The following SLC37A1 variants were observed in gnomAD, a reference collection of about 807,000 sequenced individuals.
The protein encoded by SLC37A1 is solute carrier family 37 member 1, also known as glucose-6-phosphate exchanger SLC37A1.
In SLC37A1, 49 loss-of-function variants were observed where a neutral mutation model predicts 75.3. The ratio of observed to expected loss-of-function variants is 0.65; its 90% CI spans 0.52 to 0.83. SLC37A1 has a LOEUF of 0.83. Among genes scored for constraint, SLC37A1 ranks in the 40% least tolerant of loss-of-function variants. The probability of loss-of-function intolerance (pLI) is 0.00; values close to 1 mark genes in which losing one functional copy is unlikely to be tolerated. For synonymous variants in SLC37A1, 268 were observed against 292.1 expected, an observed-to-expected ratio of 0.92 and a Z score of 0.84; for missense variants, 566 against 695.0, an observed-to-expected ratio of 0.81 and a Z score of 2.09.
chr21:42,501,220 AT>A (rs2054338125), intron 1 of SLC37A1, among the ~76,000 whole-genome samples: 1 of 152,244 alleles, frequency 6.6e-6, no homozygotes, highest in South Asian at 2.1e-4. Flanking sequence ...AAAGAGAAAA[AT>A]TGACGTGAAA....
upstream of SLC37A1, among the ~76,000 whole-genome samples, chr21:42,512,208 G>A (rs906341714): frequency 1.8e-5 from 2 of 112,972 alleles, no homozygotes; most frequent in East Asian, 3.1e-4. Context: ...TCAGTTATAC[G>A]TCAGTACAAC....
At chr21:42,562,023 C>T in intron 11 of SLC37A1, 55 bp from the exon 12 acceptor site, 2 of 1,418,708 alleles carry the variant, frequency 1.4e-6, no homozygotes, top group Non-Finnish European at 1.0e-6. Flanking sequence ...TGCATGTTTA[C>T]ACACACCTGC....
intron 10 of SLC37A1, among the ~76,000 whole-genome samples, chr21:42,556,191 C>T (rs1375359518): frequency 6.6e-6 from 1 of 152,218 alleles, no homozygotes; most frequent in African/African-American, 2.4e-5. Context: ...CCGCAGGTCC[C>T]CGCGGGCGTT....
upstream of SLC37A1, among the ~76,000 whole-genome samples, chr21:42,513,086 C>T (rs1034618317): frequency 6.6e-6 from 1 of 152,236 alleles, no homozygotes; most frequent in Admixed American, 6.5e-5. Context: ...TGCTCTTCCC[C>T]GAGGAGTGGG....
intron 6 of SLC37A1, 57 bp downstream of exon 6, chr21:42,539,704 G>A (rs1324807542): frequency 3.8e-5 from 59 of 1,544,820 alleles, no homozygotes; most frequent in Non-Finnish European, 5.2e-5. Flanking sequence ...GAATAGGGTG[G>A]AGTGTTTATG....
chr21:42,542,596 G>A, intron 7 of SLC37A1, 116 bp downstream of exon 7: 1 of 988,910 alleles, frequency 1.0e-6, no homozygotes, highest in Non-Finnish European at 1.5e-6. Flanking sequence ...AAAATAAGAT[G>A]GCTGAAACCT....
intron 9 of SLC37A1, among the ~76,000 whole-genome samples, chr21:42,551,823 GTTTT>G (rs1476831530): frequency 5.2e-4 from 74 of 142,754 alleles, no homozygotes; most frequent in African/African-American, 1.9e-3. Context: ...GTTTTGTTTT[GTTTT>G]GTTTTGTTTT....
intron 18 of SLC37A1, among the ~76,000 whole-genome samples, chr21:42,579,288 G>A: frequency 6.6e-6 from 1 of 152,220 alleles, no homozygotes; most frequent in African/African-American, 2.4e-5. Context: ...GGCGCCAGAG[G>A]AAGTGCTCAC....
upstream of SLC37A1, among the ~76,000 whole-genome samples, chr21:42,510,411 C>A (rs995179695): frequency 6.6e-6 from 1 of 152,126 alleles, no homozygotes; most frequent in African/African-American, 2.4e-5. Context: ...GGAATCAAAG[C>A]ATACCATTAC....
rs533879509 is a variant in SLC37A1, at chr21:42,552,522, A to G, written c.769-1540A>G. Among the ~76,000 whole-genome samples the G allele has an allele frequency of 6.6e-6, 1 of 152,334 alleles. No individual in the cohort carries two copies. Among genetic ancestry groups the G allele is most frequent in the South Asian group, 2.1e-4 (1 of 4,828 alleles). On this transcript the variant is annotated intron_variant, in intron 9 of 19. Transcript: ENST00000352133. The surrounding 1 kb of genome is among the most constrained non-coding windows in gnomAD (Gnocchi z 4.2). The stretch of plus-strand genomic sequence containing the variant: ...TGCCAAAGGTGATATATTCCAACCA[A>G]TTAGAACAGTGCCAGGCACAGAGTT...
At chr21:42,554,221 C>G (rs1393772353) in intron 10 of SLC37A1, 79 bp downstream of exon 10, 1 of 1,245,250 alleles carries the variant, frequency 8.0e-7, no homozygotes, top group Non-Finnish European at 1.1e-6. Context: ...GCTCTCTGTC[C>G]CTCTGCCTAT....
chr21:42,568,516 C>A, intron 17 of SLC37A1, 78 bp downstream of exon 17: 1 of 1,397,396 alleles, frequency 7.2e-7, no homozygotes. Flanking sequence ...GAACAGGTAC[C>A]CAGGGTTCCA....
intron 10 of SLC37A1, among the ~76,000 whole-genome samples, chr21:42,555,861 G>A (rs575962970): frequency 1.6e-4 from 25 of 152,334 alleles, no homozygotes; most frequent in Non-Finnish European, 3.4e-4. Context: ...GACCACAACC[G>A]GGCGCATGCT....
At chr21:42,535,123 A>G (rs1039555956) in intron 4 of SLC37A1, among the ~76,000 whole-genome samples, 1 of 152,228 alleles carries the variant, frequency 6.6e-6, no homozygotes, top group Non-Finnish European at 1.5e-5. Flanking sequence ...GAGAGACACG[A>G]GGCGCTGGTG....
intron 3 of SLC37A1, among the ~76,000 whole-genome samples, chr21:42,530,910 AG>A (rs1487857060): frequency 6.6e-6 from 1 of 152,338 alleles, no homozygotes; most frequent in East Asian, 1.9e-4. Flanking sequence ...CTGTCTGCGA[AG>A]TGGCTCAAAT....
chr21:42,536,245 C>T (rs2055135260), intron 5 of SLC37A1, among the ~76,000 whole-genome samples: 1 of 152,220 alleles, frequency 6.6e-6, no homozygotes. Context: ...CTCTTTGGGC[C>T]TCAGTTTCCC....
At chr21:42,502,114 T>C (rs375172220) in intron 1 of SLC37A1, among the ~76,000 whole-genome samples, 2 of 152,256 alleles carry the variant, frequency 1.3e-5, no homozygotes, top group East Asian at 3.8e-4. Flanking sequence ...TAAAATCTTT[T>C]AATTATGTAA....
intron 3 of SLC37A1, among the ~76,000 whole-genome samples, chr21:42,533,176 A>G (rs2055036288): frequency 6.6e-6 from 1 of 152,094 alleles, no homozygotes; most frequent in South Asian, 2.1e-4. Flanking sequence ...CCTGACCTGG[A>G]GCCAGCTTTG....
rs746699998 is a variant in SLC37A1 at position 42,580,843 on chromosome 21, CAG to C, written c.*488_*489del. 1.4e-4 allele frequency: 24 copies of C among 175,380 alleles called. No individual in the cohort carries two copies. The highest frequency in any genetic ancestry group is 1.2e-4 in the Non-Finnish European group (10 of 81,846). The allele number at this position is 175,380 out of a possible 1,614,324, so 10.9% of individuals were successfully genotyped here. On this transcript the variant is annotated 3_prime_UTR_variant, in exon 20 of 20. Transcript: ENST00000352133. ...CAGACAGTGCCGGCCAGCAGAGAAG[CAG>C]AGAGCCAGCGCCACACAACATCAAG...
Sources: gnomAD v4.1 joint callset for allele counts (sites outside exome capture counted in the v4.1 genomes callset) on GRCh38, gnomAD v4.1.1 for gene constraint, Gnocchi (gnomAD v3.1) non-coding constraint, MANE v1.5 for transcripts, NCBI Gene and HGNC (gene_info 2026-07-23, HGNC 2026-07-21) for gene names.